Variants in ATP11B observed in about 807,000 individuals in gnomAD.
ATP11B encodes the protein phospholipid-transporting ATPase IF.
Under a neutral mutation model 157.8 loss-of-function variants are expected in ATP11B, and 81 were observed. The ratio of observed to expected loss-of-function variants is 0.51; its 90% CI spans 0.43 to 0.62. The LOEUF (loss-of-function observed/expected upper bound fraction) is 0.62. Among genes scored for constraint, ATP11B ranks in the 20% least tolerant of loss-of-function variants. The probability of loss-of-function intolerance (pLI) is 0.00; values close to 1 mark genes in which losing one functional copy is unlikely to be tolerated. For synonymous variants in ATP11B, 451 were observed against 469.4 expected, an observed-to-expected ratio of 0.96 and a Z score of 0.51; for missense variants, 1,165 against 1,402.2, an observed-to-expected ratio of 0.83 and a Z score of 2.70.
chr3:182,855,228 A>G (rs1429799559), intron 10 of ATP11B, among the ~76,000 whole-genome samples: 1 of 152,206 alleles, frequency 6.6e-6, no homozygotes, highest in African/African-American at 2.4e-5. Context: ...TACACAATAG[A>G]GAACCCCAGA....
intron 28 of ATP11B, among the ~76,000 whole-genome samples, chr3:182,904,794 CAA>C (rs1184916316): frequency 2.1e-5 from 3 of 145,582 alleles, no homozygotes; most frequent in African/African-American, 5.1e-5. Flanking sequence ...GAGGCTGAGA[CAA>C]GAGAATCGCT....
At chr3:182,866,044 C>T (rs901454776) in intron 13 of ATP11B, among the ~76,000 whole-genome samples, 14 of 151,942 alleles carry the variant, frequency 9.2e-5, no homozygotes. Flanking sequence ...AAAAGTGTTC[C>T]CCTCTACTTG....
At chr3:182,913,741 GA>G in intron 28 of ATP11B, 119 bp from the exon 29 acceptor site, 1 of 1,515,156 alleles carries the variant, frequency 6.6e-7, no homozygotes. Flanking sequence ...CCATATTATA[GA>G]AAAACATGTA....
chr3:182,836,261 G>A (rs1718544520), intron 5 of ATP11B, 81 bp from the exon 6 acceptor site: 4 of 1,581,862 alleles, frequency 2.5e-6, no homozygotes, highest in Non-Finnish European at 2.6e-6. Flanking sequence ...ACTGTGATAG[G>A]CTGCTTCTTT....
At chr3:182,909,659 A>G (rs570774410) in intron 28 of ATP11B, among the ~76,000 whole-genome samples, 76 of 152,294 alleles carry the variant, frequency 5.0e-4, no homozygotes, top group African/African-American at 1.8e-3. Context: ...CTGAATATTG[A>G]GATCAAAGAT....
intron 1 of ATP11B, among the ~76,000 whole-genome samples, chr3:182,803,189 G>C (rs1716117394): frequency 6.6e-6 from 1 of 152,072 alleles, no homozygotes; most frequent in Admixed American, 6.5e-5. Flanking sequence ...CTAAAACAGA[G>C]TTCTCCTTTC....
chr3:182,801,024 A>G (rs1472044314), intron 1 of ATP11B, among the ~76,000 whole-genome samples: 3 of 152,012 alleles, frequency 2.0e-5, no homozygotes, highest in Admixed American at 6.5e-5. Flanking sequence ...CCAGTCTCGA[A>G]CCCTGGACCT....
At chr3:182,855,728 C>T (rs1202765712) in intron 10 of ATP11B, among the ~76,000 whole-genome samples, 5 of 152,088 alleles carry the variant, frequency 3.3e-5, no homozygotes, top group African/African-American at 9.7e-5. Context: ...CTTCATATTT[C>T]ACCACATGCA....
intron 10 of ATP11B, among the ~76,000 whole-genome samples, chr3:182,854,836 T>TA (rs768430998): frequency 6.7e-6 from 1 of 148,650 alleles, no homozygotes; most frequent in Non-Finnish European, 1.5e-5. Flanking sequence ...AGAAGCTAAT[T>TA]AAAAAAAATG....
chr3:182,904,819 T>C (rs1724219681), intron 28 of ATP11B, among the ~76,000 whole-genome samples: 1 of 148,774 alleles, frequency 6.7e-6, no homozygotes, highest in Admixed American at 6.8e-5. Flanking sequence ...AAGCCAGGAG[T>C]TGGAGATTGC....
chr3:182,904,529 A>G (rs1724193052), intron 28 of ATP11B, among the ~76,000 whole-genome samples: 1 of 152,210 alleles, frequency 6.6e-6, no homozygotes, highest in African/African-American at 2.4e-5. Flanking sequence ...TGTGACAGAG[A>G]GGAAAACTGT....
At position 182,793,676 on chromosome 3, in the gene ATP11B, C is replaced by G; in HGVS notation, c.-84C>G. ...GGAACTTCGGCCCGAGGGGCTCGCC[C>G]GCTCCCGCCTCTGTCTTGTCGGCCT... On this transcript the variant is annotated 5_prime_UTR_variant, in exon 1 of 30. Transcript: ENST00000323116. 5.4e-6 allele frequency: 5 copies of G among 934,124 alleles called. No individual in the cohort carries two copies. The highest frequency in any genetic ancestry group is 6.0e-6 in the Non-Finnish European group (4 of 665,020). The allele number at this position is 934,124 out of a possible 1,614,324, so 57.9% of individuals were successfully genotyped here. A position where few individuals can be genotyped will look rare whatever the true frequency, so the allele number is the denominator to read the frequency against.
At chr3:182,895,398 T>TA (rs1723479950) in intron 25 of ATP11B, among the ~76,000 whole-genome samples, 1 of 152,206 alleles carries the variant, frequency 6.6e-6, no homozygotes, top group East Asian at 1.9e-4. Flanking sequence ...TTGCCTATTA[T>TA]ATACCAGGTA....
At chr3:182,830,029 A>G in intron 4 of ATP11B, 2 of 725,252 alleles carry the variant, frequency 2.8e-6, no homozygotes, top group Non-Finnish European at 3.4e-6. Flanking sequence ...AACCATTTAT[A>G]TATGAAATAG....
Position 182,877,103 on chromosome 3 carries a change from T to TGTTTATGCCTTGGATACTTG in ATP11B, c.2253-2390_2253-2371dup. ...TTTGGAACAGAGACATAAGGTGTGT[T>TGTTTATGCCTTGGATACTTG]GTTTATGCCTTGGATACTTGGTGTA... On this transcript the variant is annotated intron_variant, in intron 19 of 29. Coordinates refer to ENST00000323116, the MANE Select transcript of ATP11B (RefSeq NM_014616.3). Among the ~76,000 whole-genome samples, 3 of 152,368 alleles carry TGTTTATGCCTTGGATACTTG rather than the reference T, an allele frequency of 2.0e-5. No homozygotes were observed. In the East Asian group the frequency reaches 5.8e-4, roughly 29 times the overall value.
intron 29 of ATP11B, chr3:182,914,842 C>T (rs1207035816): frequency 2.0e-6 from 2 of 985,162 alleles, no homozygotes; most frequent in East Asian, 1.1e-4. Flanking sequence ...GAGCTTTTTC[C>T]ACACTTGGTG....
intron 2 of ATP11B, among the ~76,000 whole-genome samples, chr3:182,824,474 T>G (rs929088101): frequency 2.0e-5 from 3 of 152,208 alleles, no homozygotes; most frequent in African/African-American, 7.2e-5. Context: ...TCTTCCCGTT[T>G]CCATCTATAT....
Position 182,826,998 on chromosome 3 carries a change from G to A in ATP11B, c.145-1122G>A, listed in dbSNP as rs567395852. Among the ~76,000 whole-genome samples the A allele has an allele frequency of 1.5e-4, 23 of 152,164 alleles. 1 individual carries two copies. In the South Asian group the frequency reaches 1.9e-3, roughly 12 times the overall value. ...CAGGATATTATCTCAGAAAAAACCC[G>A]TTGTCAACCATATTTATTTATTCAT... On this transcript the variant is annotated intron_variant, in intron 2 of 29. Transcript: ENST00000323116.
chr3:182,809,874 A>T (rs1716544845), intron 1 of ATP11B, among the ~76,000 whole-genome samples: 1 of 152,192 alleles, frequency 6.6e-6, no homozygotes, highest in Non-Finnish European at 1.5e-5. Context: ...CATAGTAAGT[A>T]TTCAGTAAGT....
Sources: gnomAD v4.1 joint callset for allele counts (sites outside exome capture counted in the v4.1 genomes callset) on GRCh38, gnomAD v4.1.1 for gene constraint, MANE v1.5 for transcripts, NCBI Gene and HGNC (gene_info 2026-07-23, HGNC 2026-07-21) for gene names.